The following CCL28 variants were observed in gnomAD, a reference collection of about 807,000 sequenced individuals.
CCL28 encodes C-C motif chemokine 28.
In CCL28, 4 loss-of-function variants were observed where a neutral mutation model predicts 7.1. The ratio of observed to expected loss-of-function variants is 0.56; its 90% CI spans 0.28 to 1.29. The LOEUF is 1.29. Among genes scored for constraint, CCL28 ranks in the 50% most tolerant of loss-of-function variants. CCL28 has a pLI of 0.11. For missense variants in CCL28, 151 were observed against 163.4 expected (o/e 0.92, Z 0.41); for synonymous variants, 55 against 57.8 (o/e 0.95, Z 0.22).
intron 2 of CCL28, 150 bp downstream of exon 2, chr5:43,388,200 G>A: frequency 1.1e-6 from 1 of 910,164 alleles, no homozygotes. Flanking sequence ...GGGAGCCTGG[G>A]GCCTAATGGA....
intron 1 of CCL28, among the ~76,000 whole-genome samples, chr5:43,403,980 A>C (rs548606609): frequency 1.8e-4 from 27 of 152,270 alleles, no homozygotes; most frequent in African/African-American, 6.5e-4. Flanking sequence ...AAAGAAATGA[A>C]CAAAGCCTCC....
chr5:43,363,523 C>G, the CCL28 span, among the ~76,000 whole-genome samples: 1 of 152,206 alleles, frequency 6.6e-6, no homozygotes. Context: ...AGGTCTTGAG[C>G]ATTTTGGCTC....
chr5:43,379,267 T>C lies in CCL28; in HGVS notation c.*2593A>G, dbSNP rs1303250267. 6.6e-6 allele frequency: 1 copy of C among 151,960 alleles called. No homozygotes were observed. The highest frequency in any genetic ancestry group is 1.5e-5 in the Non-Finnish European group (1 of 68,042). 9.4% of individuals were successfully genotyped at this position (151,960 alleles called of 1,614,324 possible). ...TAAAATGGAAAATAATTCAAGTTGT[T>C]AGTTGAAAGAATTAGACACCAGTGT... On this transcript the variant is annotated 3_prime_UTR_variant, in exon 3 of 3. Transcript: ENST00000361115.
chr5:43,408,729 G>C (rs1293322921), intron 1 of CCL28, among the ~76,000 whole-genome samples: 1 of 151,836 alleles, frequency 6.6e-6, no homozygotes, highest in Non-Finnish European at 1.5e-5. Context: ...CTCTGGAGAG[G>C]GGAGAGGGAT....
At chr5:43,378,454 T>C (rs1207281294), downstream of CCL28, among the ~76,000 whole-genome samples, 2 of 152,282 alleles carry the variant, frequency 1.3e-5, no homozygotes, top group African/African-American at 2.4e-5. Flanking sequence ...TACTTTTGAT[T>C]TTTTAAATCG....
downstream of CCL28, among the ~76,000 whole-genome samples, chr5:43,374,555 G>A (rs1178029661): frequency 2.0e-5 from 3 of 152,298 alleles, no homozygotes; most frequent in African/African-American, 4.8e-5. Context: ...GGCCAAGGCG[G>A]GCGGATCACG....
In CCL28 at chr5:43,388,422, C is replaced by T; in HGVS notation, c.119G>A (p.Arg40Lys). The T allele has an allele frequency of 6.2e-7, 1 of 1,614,070 alleles. No homozygotes were observed. The highest frequency in any genetic ancestry group is 2.2e-5 in the East Asian group (1 of 44,888). ...CATATTCACTCTTTCCAGGAGCCTT[C>T]TGGAAATATGATGTGAAACCTCCGT... ...CCTEVSHHIS[R>K]RLLERVNMCR... is the part of the protein sequence containing the mutation. The change falls in exon 2 of 3, where the codon AGA (arginine) becomes AAA (lysine). Residue 40 changes from arginine to lysine, a missense_variant. Coordinates refer to ENST00000361115, the MANE Select transcript of CCL28 (RefSeq NM_148672.3).
intron 1 of CCL28, among the ~76,000 whole-genome samples, chr5:43,391,862 C>A (rs1262449633): frequency 1.3e-5 from 2 of 152,276 alleles, no homozygotes; most frequent in African/African-American, 4.8e-5. Flanking sequence ...TACATAACTT[C>A]CCCGAGATCA....
chr5:43,384,964 T>A (rs1186012190), intron 2 of CCL28, among the ~76,000 whole-genome samples: 1 of 151,990 alleles, frequency 6.6e-6, no homozygotes, highest in East Asian at 1.9e-4. Flanking sequence ...TGGCGCGACC[T>A]TGGCTCACTG....
chr5:43,378,565 A>G (rs892512869), downstream of CCL28, among the ~76,000 whole-genome samples: 1 of 152,228 alleles, frequency 6.6e-6, no homozygotes, highest in African/African-American at 2.4e-5. Flanking sequence ...TGATATAGTA[A>G]CAGTATTTAC....
chr5:43,396,325 C>T (rs1420404740), intron 1 of CCL28, among the ~76,000 whole-genome samples: 2 of 152,320 alleles, frequency 1.3e-5, no homozygotes, highest in East Asian at 1.9e-4. Flanking sequence ...GGCTTCTTCA[C>T]TGCAACCTGT....
At chr5:43,411,299 G>A (rs1741528227) in intron 1 of CCL28, among the ~76,000 whole-genome samples, 1 of 152,194 alleles carries the variant, frequency 6.6e-6, no homozygotes, top group Non-Finnish European at 1.5e-5. Context: ...CAATGGAAAA[G>A]AGTCATTGGT....
At chr5:43,368,833 C>A in the CCL28 span, among the ~76,000 whole-genome samples, 2 of 152,046 alleles carry the variant, frequency 1.3e-5, no homozygotes, top group East Asian at 3.9e-4. Flanking sequence ...TCCTTCACAG[C>A]CCTTAGAAGG....
chr5:43,381,637 G>A lies in CCL28; in HGVS notation c.*223C>T. 2.2e-6 allele frequency: 1 copy of A among 453,160 alleles called. No individual in the cohort carries two copies. 28.1% of individuals were successfully genotyped at this position (453,160 alleles called of 1,614,324 possible). A position where few individuals can be genotyped will look rare whatever the true frequency, so the allele number is the denominator to read the frequency against. ...AGCCTCCCGAAGTGCTGGGATAAAAGGTGTGAACCACCATACCCAGCCAGT... is the reference window on the plus strand; with the variant it reads ...AGCCTCCCGAAGTGCTGGGATAAAAAGTGTGAACCACCATACCCAGCCAGT... On this transcript the variant is annotated 3_prime_UTR_variant, in exon 3 of 3. Transcript: ENST00000361115.
At chr5:43,405,587 C>T (rs923203770) in intron 1 of CCL28, among the ~76,000 whole-genome samples, 4 of 152,138 alleles carry the variant, frequency 2.6e-5, no homozygotes, top group African/African-American at 9.7e-5. Context: ...ATTAAAAGAA[C>T]TAGAGAAGCA....
intron 2 of CCL28, among the ~76,000 whole-genome samples, chr5:43,384,989 C>T (rs936980007): frequency 2.2e-4 from 33 of 152,186 alleles, no homozygotes; most frequent in African/African-American, 7.0e-4. Flanking sequence ...CTCCGCCTCC[C>T]GGGTTCACGC....
At chr5:43,399,639 A>G (rs1341040263) in intron 1 of CCL28, among the ~76,000 whole-genome samples, 1 of 152,096 alleles carries the variant, frequency 6.6e-6, no homozygotes, top group East Asian at 1.9e-4. Flanking sequence ...TTTTCTAGGA[A>G]TAGTATTTTC....
chr5:43,377,511 A>G (rs1267298331), downstream of CCL28: 2 of 146,870 alleles, frequency 1.4e-5, no homozygotes, highest in African/African-American at 5.0e-5. Flanking sequence ...AAAAAAAAGA[A>G]AGAAAGAAAG....
chr5:43,400,065 C>G (rs1380633076), intron 1 of CCL28, among the ~76,000 whole-genome samples: 2 of 152,092 alleles, frequency 1.3e-5, no homozygotes, highest in Non-Finnish European at 2.9e-5. Context: ...AGGCTGGTCT[C>G]AAACTCCTAG....
Sources: allele counts gnomAD v4.1 joint callset (sites outside exome capture counted in the v4.1 genomes callset), GRCh38; gene constraint gnomAD v4.1.1; transcripts MANE v1.5; gene names NCBI Gene and HGNC (gene_info 2026-07-23, HGNC 2026-07-21).